The following FAAH2 variants were observed in gnomAD, a reference collection of about 807,000 sequenced individuals.
FAAH2 encodes fatty acid amide hydrolase 2.
A neutral mutation model predicts 36.9 loss-of-function variants in FAAH2; 60 were observed. The observed-to-expected ratio is 1.63, with a 90% CI of 1.32 to 2.02. The LOEUF (loss-of-function observed/expected upper bound fraction) is 2.02. Ranked by LOEUF, FAAH2 falls within the 30% of genes most tolerant of loss-of-function variation. The pLI, the probability that FAAH2 is intolerant of heterozygous loss-of-function variation, is 0.00. For missense variants in FAAH2, 689 were observed against 397.5 expected (o/e 1.73, Z -6.23); for synonymous variants, 214 against 143.8 (o/e 1.49, Z -3.49).
chrX:57,126,232 C>T, the FAAH2 span, among the ~76,000 whole-genome samples: 1 of 112,217 alleles, frequency 8.9e-6, no homozygotes, highest in Non-Finnish European at 1.9e-5. Context: ...TTAGAGAGAT[C>T]TTTGGACATG....
At chrX:57,330,382 A>G (rs2053366391) in intron 3 of FAAH2, among the ~76,000 whole-genome samples, 1 of 111,443 alleles carries the variant, frequency 9.0e-6, no homozygotes, top group Non-Finnish European at 1.9e-5. Context: ...TTATTAGGAA[A>G]AGGAAATTCC....
the FAAH2 span, among the ~76,000 whole-genome samples, chrX:57,203,912 T>G: frequency 1.8e-5 from 2 of 112,174 alleles, no homozygotes; most frequent in East Asian, 5.6e-4. Flanking sequence ...ATCCTTATGT[T>G]TAGCTCCTAG....
At chrX:57,308,321 A>T (rs1432679678) in intron 2 of FAAH2, among the ~76,000 whole-genome samples, 1 of 111,421 alleles carries the variant, frequency 9.0e-6, no homozygotes, top group African/African-American at 3.3e-5. Context: ...AATAATAGCC[A>T]TTCTGACTGG....
intron 5 of FAAH2, among the ~76,000 whole-genome samples, chrX:57,371,647 G>C (rs1362858691): frequency 1.0e-5 from 1 of 97,011 alleles, no homozygotes; most frequent in African/African-American, 3.5e-5. Context: ...TGGGGGGGGG[G>C]TTACTTTCAA....
At chrX:57,314,773 G>A (rs2052790188) in intron 3 of FAAH2, among the ~76,000 whole-genome samples, 2 of 110,857 alleles carry the variant, frequency 1.8e-5, no homozygotes, top group Non-Finnish European at 3.8e-5. Context: ...AGTCATTAAG[G>A]CGCCACTCAA....
the FAAH2 span, among the ~76,000 whole-genome samples, chrX:57,250,260 C>T: frequency 9.0e-6 from 1 of 111,513 alleles, no homozygotes; most frequent in African/African-American, 3.3e-5. Context: ...TCAAAATATG[C>T]CAGCTCAGTT....
At chrX:57,220,053 C>T in the FAAH2 span, among the ~76,000 whole-genome samples, 1 of 109,135 alleles carries the variant, frequency 9.2e-6, no homozygotes, top group African/African-American at 3.4e-5. Context: ...AGATCACAAC[C>T]TGTCCTCTGC....
chrX:57,153,618 A>G, the FAAH2 span, among the ~76,000 whole-genome samples: 1 of 112,258 alleles, frequency 8.9e-6, no homozygotes, highest in Non-Finnish European at 1.9e-5. Flanking sequence ...TTCTTCAATT[A>G]TGAATCTTAG....
At chrX:57,227,800 C>T in the FAAH2 span, among the ~76,000 whole-genome samples, 25 of 111,560 alleles carry the variant, frequency 2.2e-4, no homozygotes, top group Admixed American at 4.7e-4. Context: ...CTCAGACTTT[C>T]CTTAGTTGAG....
chrX:57,302,538 A>G (rs755642113), intron 2 of FAAH2, among the ~76,000 whole-genome samples: 1 of 111,155 alleles, frequency 9.0e-6, no homozygotes, highest in African/African-American at 3.3e-5. Context: ...ATAGGGGAAG[A>G]AAAGAGTACT....
At chrX:57,134,610 A>T in the FAAH2 span, 1 of 111,459 alleles carries the variant, frequency 9.0e-6, no homozygotes, top group East Asian at 2.8e-4. Context: ...AAGGAATAGG[A>T]GTGATGAGAC....
At chrX:57,214,304 T>C in the FAAH2 span, among the ~76,000 whole-genome samples, 1 of 112,544 alleles carries the variant, frequency 8.9e-6, no homozygotes, top group African/African-American at 3.2e-5. Flanking sequence ...CCAAGATTAA[T>C]ATTGATATGT....
At position 57,310,597 on chromosome X, in the gene FAAH2, G is replaced by A; in HGVS notation, c.280G>A (p.Glu94Lys). The change falls in exon 3 of 11, where the codon GAG (glutamate) becomes AAG (lysine). Residue 94 changes from glutamate to lysine, a missense_variant. Physicochemically the swap from Glu to Lys is moderately conservative, Grantham distance 56 (BLOSUM62 1). Transcript: ENST00000374900. ...MINGIVKYRF[E>K]EAMKEAHAVD... The stretch of plus-strand genomic sequence containing the variant: ...CATTGTTTTATTTCTTCTTAGGTTT[G>A]AGGAAGCGATGAAGGAGGCTCATGC... The A allele has an allele frequency of 8.3e-7, 1 of 1,201,573 alleles. No homozygotes were observed. Among genetic ancestry groups the A allele is most frequent in the Non-Finnish European group, 1.1e-6 (1 of 892,125 alleles).
the FAAH2 span, among the ~76,000 whole-genome samples, chrX:57,187,306 T>A: frequency 3.6e-5 from 4 of 110,798 alleles, no homozygotes; most frequent in African/African-American, 9.9e-5. Flanking sequence ...TATTTCTAGG[T>A]ATTTTATTTT....
chrX:57,201,879 A>G, the FAAH2 span, among the ~76,000 whole-genome samples: 2 of 111,285 alleles, frequency 1.8e-5, no homozygotes, highest in East Asian at 2.8e-4. Context: ...CCTGTCTTCT[A>G]GCTTAGTAAT....
At chrX:57,226,422 G>A in the FAAH2 span, among the ~76,000 whole-genome samples, 1 of 111,802 alleles carries the variant, frequency 8.9e-6, no homozygotes, top group Non-Finnish European at 1.9e-5. Context: ...TCATTTGGCT[G>A]GATAAAAAAT....
At chrX:57,217,634 G>T in the FAAH2 span, among the ~76,000 whole-genome samples, 1 of 111,796 alleles carries the variant, frequency 8.9e-6, no homozygotes, top group East Asian at 2.8e-4. Flanking sequence ...TGTTCCATTG[G>T]TCTATGTGCC....
At chrX:57,394,875 G>A (rs980735) in intron 7 of FAAH2, 284,136 of 985,511 alleles carry the variant, frequency 0.29, 31,985 homozygotes, top group African/African-American at 0.59. Context: ...AGCAAGTCAC[G>A]CATCAGGGCC....
intron 4 of FAAH2, among the ~76,000 whole-genome samples, chrX:57,337,763 TAAG>T (rs1406085817): frequency 9.0e-6 from 1 of 111,690 alleles, no homozygotes. Flanking sequence ...CTCAAAATAA[TAAG>T]ATCTGTATTT....
Sources: allele counts gnomAD v4.1 joint callset (sites outside exome capture counted in the v4.1 genomes callset), GRCh38; gene constraint gnomAD v4.1.1; transcripts MANE v1.5; gene names NCBI Gene and HGNC (gene_info 2026-07-23, HGNC 2026-07-21).